Variants in CCDC91 observed in about 807,000 individuals in gnomAD.
The protein encoded by CCDC91 is coiled-coil domain-containing protein 91.
A neutral mutation model predicts 63.2 loss-of-function variants in CCDC91; 48 were observed. The observed-to-expected ratio is 0.76, with a 90% CI of 0.60 to 0.97. CCDC91 has a LOEUF of 0.97. CCDC91 is among the 50% of genes least tolerant of loss of function. CCDC91 has a pLI of 0.00. For synonymous variants in CCDC91, 167 were observed against 165.8 expected (o/e 1.01, Z -0.06); for missense variants, 500 against 494.6 (o/e 1.01, Z -0.10).
At chr12:28,224,118 A>AT (rs946996133) in intron 1 of CCDC91, among the ~76,000 whole-genome samples, 6 of 151,862 alleles carry the variant, frequency 4.0e-5, no homozygotes, top group Non-Finnish European at 5.9e-5. Context: ...AAAGAAGTAC[A>AT]TTTTTTTTCC....
At chr12:28,370,462 C>G (rs1944547238) in intron 7 of CCDC91, among the ~76,000 whole-genome samples, 1 of 152,310 alleles carries the variant, frequency 6.6e-6, no homozygotes, top group South Asian at 2.1e-4. Flanking sequence ...GCTTCATTGT[C>G]CATATCAGTG....
chr12:28,264,720 A>C (rs573602851), intron 3 of CCDC91, among the ~76,000 whole-genome samples: 1 of 151,794 alleles, frequency 6.6e-6, no homozygotes, highest in East Asian at 1.9e-4. Context: ...CTAAGAAGTT[A>C]GTCTTAGTTT....
intron 3 of CCDC91, among the ~76,000 whole-genome samples, chr12:28,269,238 T>A (rs1947574728): frequency 6.6e-6 from 1 of 152,162 alleles, no homozygotes; most frequent in East Asian, 1.9e-4. Context: ...TGTCTCTAAT[T>A]CTTGGTGGTA....
At chr12:28,461,160 A>G (rs1004816046) in intron 11 of CCDC91, among the ~76,000 whole-genome samples, 8 of 152,190 alleles carry the variant, frequency 5.3e-5, no homozygotes, top group East Asian at 1.9e-4. Flanking sequence ...TAAGAGACCA[A>G]TGTTGCATAC....
chr12:28,358,294 T>C (rs961627797), intron 6 of CCDC91, among the ~76,000 whole-genome samples: 3 of 152,208 alleles, frequency 2.0e-5, no homozygotes, highest in African/African-American at 7.2e-5. Flanking sequence ...GAGCCTACTT[T>C]TGAAGACCAG....
chr12:28,370,726 T>C (rs1167826049), intron 7 of CCDC91, among the ~76,000 whole-genome samples: 1 of 152,220 alleles, frequency 6.6e-6, no homozygotes, highest in Non-Finnish European at 1.5e-5. Context: ...AGAGATTTAA[T>C]TGACTCACAG....
rs1948570728 is a variant in CCDC91, at chr12:28,280,945, C to T, written c.109+21503C>T. Among the ~76,000 whole-genome samples the T allele has an allele frequency of 5.3e-5, 8 of 151,648 alleles. No homozygotes were observed. The South Asian group carries it at 1.7e-3, about 32-fold the overall frequency. On this transcript the variant is annotated intron_variant, in intron 3 of 12. Coordinates refer to ENST00000536442, the MANE Select transcript of CCDC91 (RefSeq NM_018318.5). ...TCAGCCATGATTGTACCATTTTATT[C>T]TGTCTTTGGTGACAGAATGAGATTC...
intron 6 of CCDC91, among the ~76,000 whole-genome samples, chr12:28,325,470 G>GA (rs1226637935): frequency 6.6e-6 from 1 of 151,842 alleles, no homozygotes; most frequent in East Asian, 1.9e-4. Context: ...TAGTGGATAA[G>GA]AAAGACAGTG....
chr12:28,345,038 G>T (rs1942707107), intron 6 of CCDC91, among the ~76,000 whole-genome samples: 1 of 151,950 alleles, frequency 6.6e-6, no homozygotes, highest in South Asian at 2.1e-4. Context: ...TTATTTTAAG[G>T]TTAATAATAT....
intron 6 of CCDC91, among the ~76,000 whole-genome samples, chr12:28,336,647 T>C (rs1025190673): frequency 4.6e-5 from 7 of 152,170 alleles, no homozygotes; most frequent in Non-Finnish European, 8.8e-5. Context: ...GCATTTTTCA[T>C]TCCTAGAAAT....
intron 1 of CCDC91, among the ~76,000 whole-genome samples, chr12:28,212,054 C>T (rs1006531890): frequency 5.9e-5 from 9 of 152,100 alleles, no homozygotes; most frequent in African/African-American, 2.2e-4. Context: ...AACACAAATC[C>T]ATGGAGTTCT....
At chr12:28,208,956 A>G (rs971206744) in intron 1 of CCDC91, among the ~76,000 whole-genome samples, 5 of 150,328 alleles carry the variant, frequency 3.3e-5, no homozygotes, top group Admixed American at 6.6e-5. Context: ...GCCTGCCACC[A>G]TGCCCGGCTA....
intron 6 of CCDC91, among the ~76,000 whole-genome samples, chr12:28,342,325 A>G (rs957116363): frequency 5.9e-5 from 9 of 152,154 alleles, no homozygotes; most frequent in African/African-American, 1.9e-4. Flanking sequence ...GTAAGATAAT[A>G]AATGTGTGTT....
chr12:28,313,164 A>T (rs1378137720), intron 6 of CCDC91, among the ~76,000 whole-genome samples: 1 of 152,000 alleles, frequency 6.6e-6, no homozygotes, highest in African/African-American at 2.4e-5. Context: ...TAATGAAATG[A>T]AAAGAGTTAT....
At position 28,355,173 on chromosome 12, in the gene CCDC91, C is replaced by T. The variant is rs118060142; in HGVS notation, c.577-7265C>T. Among the ~76,000 whole-genome samples the T allele has an allele frequency of 5.3e-4, 81 of 152,090 alleles. No homozygotes were observed. In the East Asian group the frequency reaches 0.015, roughly 29 times the overall value. Reference sequence around the variant, plus strand: ...AGCATCTGCCTTTCAAGGCTCCATGCCTTTGAAGATCTTAACAAAGCTAAA... The same window carrying T: ...AGCATCTGCCTTTCAAGGCTCCATGTCTTTGAAGATCTTAACAAAGCTAAA... On this transcript the variant is annotated intron_variant, in intron 6 of 12. Coordinates refer to ENST00000536442, the MANE Select transcript of CCDC91 (RefSeq NM_018318.5).
intron 1 of CCDC91, among the ~76,000 whole-genome samples, chr12:28,201,926 G>A (rs1423134147): frequency 2.6e-5 from 4 of 151,332 alleles, no homozygotes; most frequent in South Asian, 2.1e-4. Flanking sequence ...CACTGGGCAG[G>A]CTGAGGCAGG....
At chr12:28,519,674 C>T (rs1207590497) in intron 12 of CCDC91, among the ~76,000 whole-genome samples, 2 of 150,744 alleles carry the variant, frequency 1.3e-5, no homozygotes, top group African/African-American at 4.9e-5. Flanking sequence ...CACCCATTAA[C>T]TCATCATTTA....
intron 12 of CCDC91, among the ~76,000 whole-genome samples, chr12:28,513,256 T>C (rs1939571645): frequency 6.6e-6 from 1 of 151,906 alleles, no homozygotes; most frequent in African/African-American, 2.4e-5. Context: ...AATATCCTGA[T>C]TCTTTAAAGA....
chr12:28,300,790 G>C (rs2136987091), intron 3 of CCDC91, among the ~76,000 whole-genome samples: 1 of 151,554 alleles, frequency 6.6e-6, no homozygotes, highest in African/African-American at 2.4e-5. Flanking sequence ...TGTCTTTCAG[G>C]AGTGTTTTAA....
Sources: gnomAD v4.1 joint callset for allele counts (sites outside exome capture counted in the v4.1 genomes callset) on GRCh38, gnomAD v4.1.1 for gene constraint, MANE v1.5 for transcripts, NCBI Gene and HGNC (gene_info 2026-07-23, HGNC 2026-07-21) for gene names.